Variants in GALNT3 observed in about 807,000 individuals in gnomAD.
The protein encoded by GALNT3 is GalNAc transferase 3.
A neutral mutation model predicts 69.8 loss-of-function variants in GALNT3; 51 were observed. That is an observed-to-expected ratio of 0.73 (90% CI 0.58 to 0.92). The LOEUF is 0.92. Ranked by LOEUF, GALNT3 falls within the 40% of genes least tolerant of loss-of-function variation. The pLI, the probability that GALNT3 is intolerant of heterozygous loss-of-function variation, is 0.00. For missense variants in GALNT3, 711 were observed against 760.0 expected, an observed-to-expected ratio of 0.94 and a Z score of 0.76; for synonymous variants, 265 against 248.5, an observed-to-expected ratio of 1.07 and a Z score of -0.63.
At position 165,748,059 on chromosome 2, in the gene GALNT3, T is replaced by G; in HGVS notation, c.*722A>C. The G allele has an allele frequency of 5.5e-6, 1 of 180,690 alleles. No homozygotes were observed. The highest frequency in any genetic ancestry group is 1.2e-5 in the Non-Finnish European group (1 of 84,414). 11.2% of individuals were successfully genotyped at this position (180,690 alleles called of 1,614,324 possible). A position where few individuals can be genotyped will look rare whatever the true frequency, so the allele number is the denominator to read the frequency against. On this transcript the variant is annotated 3_prime_UTR_variant, in exon 11 of 11. Coordinates refer to ENST00000392701, the MANE Select transcript of GALNT3 (RefSeq NM_004482.4). ...CACCTTTTCAACAGATAGTAATTTA[T>G]AAAAATTTTTTTAAAAGTGCTTTGG...
At chr2:165,794,488 C>G (rs1455879761), upstream of GALNT3, 1 of 152,320 alleles carries the variant, frequency 6.6e-6, no homozygotes, top group African/African-American at 2.4e-5. Context: ...CCTGCACTGA[C>G]CTGGTGGCAG....
chr2:165,757,214 G>C lies in GALNT3; in HGVS notation c.1225C>G (p.Pro409Ala). The C allele has an allele frequency of 1.2e-6, 2 of 1,613,956 alleles. No individual in the cohort carries two copies. Among genetic ancestry groups the C allele is most frequent in the Non-Finnish European group, 8.5e-7 (1 of 1,179,916 alleles). ...AAAACATGTCCAACAACAGAGCAAG[G>C]CATAATCTCCAACTGCCCACCACAT... is the stretch of plus-strand genomic sequence containing the variant. ...WQCGGQLEIMPCSVVGHVFRS... is the reference protein window; with the variant it reads ...WQCGGQLEIMACSVVGHVFRS... Residue 409 changes from proline (P) to alanine (A), a missense_variant, in exon 7 of 11, where the codon CCT becomes GCT. Physicochemically the swap from Pro to Ala is conservative, Grantham distance 27 (BLOSUM62 -1). Transcript: ENST00000392701.
intron 1 of GALNT3, among the ~76,000 whole-genome samples, chr2:165,786,873 T>C (rs1683234301): frequency 6.6e-6 from 1 of 152,216 alleles, no homozygotes; most frequent in African/African-American, 2.4e-5. Context: ...AGTAAACTCA[T>C]GTAAATTGCT....
At chr2:165,776,220 C>T (rs896336626) in intron 1 of GALNT3, among the ~76,000 whole-genome samples, 2 of 152,090 alleles carry the variant, frequency 1.3e-5, no homozygotes, top group Admixed American at 1.3e-4. Context: ...TGCCATGTTC[C>T]TTGTCAGTAC....
chr2:165,788,466 G>GT, intron 1 of GALNT3, among the ~76,000 whole-genome samples: 1 of 139,602 alleles, frequency 7.2e-6, no homozygotes, highest in South Asian at 2.4e-4. Flanking sequence ...AATCCAAAAG[G>GT]GTGTGTGTGT....
At chr2:165,777,008 C>T (rs1005628510) in intron 1 of GALNT3, among the ~76,000 whole-genome samples, 1 of 152,150 alleles carries the variant, frequency 6.6e-6, no homozygotes, top group East Asian at 1.9e-4. Context: ...ATTAGTTGTT[C>T]ATTTAACCTA....
At chr2:165,757,730 T>C (rs1445227034) in intron 6 of GALNT3, among the ~76,000 whole-genome samples, 1 of 152,188 alleles carries the variant, frequency 6.6e-6, no homozygotes, top group African/African-American at 2.4e-5. Context: ...ATGGCTATTA[T>C]TACCAATGAT....
intron 6 of GALNT3, among the ~76,000 whole-genome samples, chr2:165,758,159 C>G (rs1688479433): frequency 6.6e-6 from 1 of 152,120 alleles, no homozygotes; most frequent in Admixed American, 6.6e-5. Flanking sequence ...GTGATGGAGC[C>G]AGAGCCAAAA....
At chr2:165,759,228 G>A in intron 5 of GALNT3, 108 bp downstream of exon 5, 1 of 860,658 alleles carries the variant, frequency 1.2e-6, no homozygotes, top group Non-Finnish European at 1.9e-6. Context: ...GAATATGTGT[G>A]TTCTTTATCA....
At chr2:165,788,316 CAA>C (rs59428597) in intron 1 of GALNT3, among the ~76,000 whole-genome samples, 1,263 of 49,262 alleles carry the variant, frequency 0.026, 10 homozygotes, top group African/African-American at 0.054. Context: ...GACATCACCT[CAA>C]AAAAAAAAAA....
intron 1 of GALNT3, among the ~76,000 whole-genome samples, chr2:165,774,056 A>G (rs138636501): frequency 1.3e-5 from 2 of 152,208 alleles, no homozygotes; most frequent in Non-Finnish European, 2.9e-5. Context: ...ATAGGGCAGC[A>G]ACCTCACCTA....
Position 165,748,813 on chromosome 2 carries a change from G to C in GALNT3, c.1870C>G (p.Leu624Val). 6.2e-7 allele frequency: 1 copy of C among 1,611,744 alleles called. No individual in the cohort carries two copies. The highest frequency in any genetic ancestry group is 8.5e-7 in the Non-Finnish European group (1 of 1,178,578). ...TTTTGGCTAAGTATCCATTTTTGGA[G>C]TGGATCTGATGGGTTGCATGACACT... is the stretch of plus-strand genomic sequence containing the variant. ...SLVSCNPSDP[L>V]QKWILSQND Residue 624 changes from leucine to valine, a missense_variant, in exon 11 of 11, where the codon CTC becomes GTC. Leu to Val is a conservative substitution (Grantham distance 32). Transcript: ENST00000392701.
chr2:165,782,120 C>T (rs768802116), intron 1 of GALNT3, among the ~76,000 whole-genome samples: 37 of 152,134 alleles, frequency 2.4e-4, no homozygotes, highest in South Asian at 6.2e-4. Context: ...ATAGATATCA[C>T]AAGTCTTATT....
chr2:165,751,437 A>G (rs1279628870), intron 9 of GALNT3, among the ~76,000 whole-genome samples: 4 of 152,070 alleles, frequency 2.6e-5, no homozygotes, highest in African/African-American at 4.8e-5. Flanking sequence ...CTGAGTTTAG[A>G]TGATGAAAAT....
At chr2:165,781,439 A>G (rs1241322040) in intron 1 of GALNT3, among the ~76,000 whole-genome samples, 2 of 151,924 alleles carry the variant, frequency 1.3e-5, no homozygotes, top group Non-Finnish European at 2.9e-5. Context: ...CACAAAAAAA[A>G]TACATAAATT....
chr2:165,751,716 T>C (rs1025786793), intron 9 of GALNT3, among the ~76,000 whole-genome samples: 2 of 152,154 alleles, frequency 1.3e-5, no homozygotes, highest in South Asian at 4.1e-4. Context: ...ATTACACTAG[T>C]AATATTGGCC....
chr2:165,751,925 AG>A (rs1688364020), intron 9 of GALNT3, among the ~76,000 whole-genome samples: 1 of 152,192 alleles, frequency 6.6e-6, no homozygotes, highest in Non-Finnish European at 1.5e-5. Context: ...TAAAATGTCA[AG>A]GAAATAAAGC....
At chr2:165,771,528 A>G (rs1688751924) in intron 1 of GALNT3, 1 of 152,222 alleles carries the variant, frequency 6.6e-6, no homozygotes, top group South Asian at 2.1e-4. Context: ...AGAAGTCATA[A>G]AGTTAAAAAA....
chr2:165,761,125 A>AG (rs1688537514), intron 4 of GALNT3, among the ~76,000 whole-genome samples: 2 of 151,136 alleles, frequency 1.3e-5, no homozygotes, highest in Non-Finnish European at 2.9e-5. Context: ...TTAAAAAAAA[A>AG]AACACACACA....
Sources: allele counts gnomAD v4.1 joint callset (sites outside exome capture counted in the v4.1 genomes callset), GRCh38; gene constraint gnomAD v4.1.1; transcripts MANE v1.5; gene names NCBI Gene and HGNC (gene_info 2026-07-23, HGNC 2026-07-21).